Variants in ELAVL1 observed in about 807,000 individuals in gnomAD.
The protein encoded by ELAVL1 is ELAV like RNA binding protein 1, also known as ELAV-like protein 1.
ELAVL1 carries 1 observed loss-of-function variant against 28.4 expected under a neutral mutation model. That is an observed-to-expected ratio of 0.04 (90% CI 0.01 to 0.17). The LOEUF is 0.17. Among genes scored for constraint, ELAVL1 ranks in the 10% least tolerant of loss-of-function variants. The pLI is 1.00. For synonymous variants in ELAVL1, 174 were observed against 183.5 expected, an observed-to-expected ratio of 0.95 and a Z score of 0.42; for missense variants, 157 against 447.2, an observed-to-expected ratio of 0.35 and a Z score of 5.85.
intron 1 of ELAVL1, among the ~76,000 whole-genome samples, chr19:8,004,986 T>TC (rs2081082065): frequency 6.6e-6 from 1 of 152,002 alleles, no homozygotes; most frequent in African/African-American, 2.4e-5. Context: ...ATTTTTTTTT[T>TC]CCCCCAGGAC....
chr19:7,967,598 C>T lies in ELAVL1; in HGVS notation c.623G>A (p.Gly208Glu). ...CTGCGCCTGGTGGTGAACGGGGCCT[C>T]CGAACCGTCGCGCTGGCGAGTGGTA... ...QLYHSPARRF[G>E]GPVHHQAQRF... The change falls in exon 5 of 6, where the codon GGA (glycine) becomes GAA (glutamate). Residue 208 changes from glycine to glutamate, a missense_variant. By Grantham distance (98) the Gly-to-Glu change is moderately conservative. Transcript: ENST00000407627. The T allele has an allele frequency of 6.2e-7, 1 of 1,614,076 alleles. No homozygotes were observed. The highest frequency in any genetic ancestry group is 8.5e-7 in the Non-Finnish European group (1 of 1,179,970).
chr19:7,970,851 C>A (rs898105415), intron 4 of ELAVL1, among the ~76,000 whole-genome samples: 6 of 152,108 alleles, frequency 3.9e-5, no homozygotes, highest in African/African-American at 1.4e-4. Flanking sequence ...CGTGAGCCAC[C>A]GCGCCCGGCC....
At chr19:7,990,329 TTTAAA>T (rs1483494382) in intron 2 of ELAVL1, among the ~76,000 whole-genome samples, 1 of 147,778 alleles carries the variant, frequency 6.8e-6, no homozygotes, top group Non-Finnish European at 1.5e-5. Flanking sequence ...GCATTCAACT[TTTAAA>T]TTAGTTTTTT....
intron 1 of ELAVL1, among the ~76,000 whole-genome samples, chr19:7,993,860 C>T (rs1168753845): frequency 6.6e-6 from 1 of 152,162 alleles, no homozygotes; most frequent in African/African-American, 2.4e-5. Flanking sequence ...CTGAACACAC[C>T]TCTCATGTGG....
At chr19:7,976,199 G>C (rs1234545097) in intron 3 of ELAVL1, among the ~76,000 whole-genome samples, 1 of 151,178 alleles carries the variant, frequency 6.6e-6, no homozygotes, top group African/African-American at 2.4e-5. Context: ...TCAGGAGATC[G>C]AGACCATCCT....
intron 4 of ELAVL1, among the ~76,000 whole-genome samples, chr19:7,969,077 C>CTTT (rs769105979): frequency 6.6e-6 from 1 of 152,216 alleles, no homozygotes; most frequent in Non-Finnish European, 1.5e-5. Context: ...GTTCTCAAGA[C>CTTT]TTTTAGTCAA....
At chr19:7,980,152 G>C (rs1985415449) in intron 3 of ELAVL1, among the ~76,000 whole-genome samples, 1 of 152,220 alleles carries the variant, frequency 6.6e-6, no homozygotes, top group Admixed American at 6.5e-5. Context: ...AGCAAGAGAG[G>C]GGATTCTGGC....
chr19:8,002,890 C>T (rs1350226950), intron 1 of ELAVL1, among the ~76,000 whole-genome samples: 1 of 152,090 alleles, frequency 6.6e-6, no homozygotes, highest in Non-Finnish European at 1.5e-5. Context: ...CTAGCTTTAT[C>T]TTTTAAGCCA....
At chr19:7,977,073 C>G (rs1034469005) in intron 3 of ELAVL1, among the ~76,000 whole-genome samples, 3 of 152,178 alleles carry the variant, frequency 2.0e-5, no homozygotes, top group Non-Finnish European at 4.4e-5. Context: ...CCAAAGCACT[C>G]AGAGCAGCCT....
chr19:7,990,822 G>A (rs1985731612), intron 2 of ELAVL1, among the ~76,000 whole-genome samples: 1 of 152,162 alleles, frequency 6.6e-6, no homozygotes, highest in Non-Finnish European at 1.5e-5. Context: ...GGAGGAAGAG[G>A]GGCCATTGGG....
chr19:7,972,475 A>G (rs1985141859), intron 4 of ELAVL1, among the ~76,000 whole-genome samples: 1 of 152,230 alleles, frequency 6.6e-6, no homozygotes, highest in Non-Finnish European at 1.5e-5. Flanking sequence ...CCTGCCCATT[A>G]GAGGAATTCG....
intron 1 of ELAVL1, among the ~76,000 whole-genome samples, chr19:7,996,274 C>T (rs1238623949): frequency 6.6e-6 from 1 of 151,712 alleles, no homozygotes; most frequent in African/African-American, 2.4e-5. Context: ...CTCCACCTCC[C>T]GGGTTCATGC....
At chr19:8,001,291 GGCATA>G (rs1280321800) in intron 1 of ELAVL1, among the ~76,000 whole-genome samples, 1 of 152,108 alleles carries the variant, frequency 6.6e-6, no homozygotes, top group Non-Finnish European at 1.5e-5. Flanking sequence ...TTCATTTGGT[GGCATA>G]GCCCCACCTG....
chr19:7,973,519 C>T (rs1985183267), intron 4 of ELAVL1: 2 of 656,308 alleles, frequency 3.0e-6, no homozygotes, highest in East Asian at 2.8e-5. Context: ...CGTGAGCCAC[C>T]ACGCCCAGAT....
rs1309581857 is a variant in ELAVL1, at chr19:7,960,346, G to A, written c.*3137C>T. The A allele has an allele frequency of 1.3e-5, 2 of 152,224 alleles. No individual in the cohort carries two copies. The highest frequency in any genetic ancestry group is 2.9e-5 in the Non-Finnish European group (2 of 68,042). The allele number at this position is 152,224 out of a possible 1,614,324, so 9.4% of individuals were successfully genotyped here. ...AAAGGCTCACCTTCCAGGAGAAGGT[G>A]GCGGAACCCACCCAGCACCACCTGC... is the stretch of plus-strand genomic sequence containing the variant. On this transcript the variant is annotated 3_prime_UTR_variant, in exon 6 of 6. Transcript: ENST00000407627.
Position 7,963,770 on chromosome 19 carries a change from A to C in ELAVL1, c.694T>G (p.Ser232Ala), listed in dbSNP as rs1179916551. The C allele has an allele frequency of 6.2e-7, 1 of 1,614,116 alleles. No homozygotes were observed. The highest frequency in any genetic ancestry group is 8.5e-7 in the Non-Finnish European group (1 of 1,180,020). Residue 232 changes from serine to alanine, a missense_variant, in exon 6 of 6, where the codon TCT becomes GCT. Transcript: ENST00000407627. This position sits in a 1 kb window ranked among gnomAD's most constrained non-coding sequence, Gnocchi z 4.5. ...PMGVDHMSGL[S>A]GVNVPGNASS... Reference sequence around the variant, plus strand: ...GCGTTTCCTGGCACGTTGACGCCAGAGAGCCCGCTCATGTGATCGACGCCC... The same window carrying C: ...GCGTTTCCTGGCACGTTGACGCCAGCGAGCCCGCTCATGTGATCGACGCCC...
chr19:7,973,825 G>A lies in ELAVL1; in HGVS notation c.330C>T (p.Ile110=). 6.2e-7 allele frequency: 1 copy of A among 1,614,146 alleles called. No homozygotes were observed. The highest frequency in any genetic ancestry group is 1.1e-5 in the South Asian group (1 of 91,072). The part of the protein sequence containing the change: ...SEVIKDANLY[I]SGLPRTMTQK... ...GGGTCATGGTCCGCGGGAGCCCGCT[G>A]ATGTACAAGTTGGCGTCTTTGATCA... Residue 110 remains isoleucine, a synonymous_variant, in exon 4 of 6, where the codon ATC becomes ATT. Coordinates refer to ENST00000407627, the MANE Select transcript of ELAVL1 (RefSeq NM_001419.3).
chr19:7,960,131 C>G lies in ELAVL1; in HGVS notation c.*3352G>C, dbSNP rs896560492. ...GCCTTCATTTGGAAGCAAACCGGGT[C>G]AAGGAATTGCCACTAACCGTCTTCG... On this transcript the variant is annotated 3_prime_UTR_variant, in exon 6 of 6. Transcript: ENST00000407627. 1 of 152,184 alleles carries G rather than the reference C, an allele frequency of 6.6e-6. No homozygotes were observed. 9.4% of individuals were successfully genotyped at this position (152,184 alleles called of 1,614,324 possible). A position where few individuals can be genotyped will look rare whatever the true frequency, so the allele number is the denominator to read the frequency against.
chr19:7,999,740 G>A (rs12972375), intron 1 of ELAVL1, among the ~76,000 whole-genome samples: 9,123 of 152,112 alleles, frequency 0.06, 291 homozygotes, highest in Non-Finnish European at 0.07. Flanking sequence ...GTGTCACTAC[G>A]TAGTCCTACT....
Sources: gnomAD v4.1 joint callset for allele counts (sites outside exome capture counted in the v4.1 genomes callset) on GRCh38, gnomAD v4.1.1 for gene constraint, Gnocchi (gnomAD v3.1) non-coding constraint, MANE v1.5 for transcripts, NCBI Gene and HGNC (gene_info 2026-07-23, HGNC 2026-07-21) for gene names.